SKA2: variants seen among roughly 807,000 people sequenced by gnomAD.
SKA2 encodes spindle and kinetochore associated complex subunit 2.
Under a neutral mutation model 16.9 loss-of-function variants are expected in SKA2, and 13 were observed. That is an observed-to-expected ratio of 0.77 (90% CI 0.50 to 1.22). SKA2 has a LOEUF of 1.22. Among genes scored for constraint, SKA2 ranks in the 50% most tolerant of loss-of-function variants. The pLI, the probability that SKA2 is intolerant of heterozygous loss-of-function variation, is 0.00. For missense variants in SKA2, 107 were observed against 139.7 expected (o/e 0.77, Z 1.18); for synonymous variants, 47 against 48.5 (o/e 0.97, Z 0.13).
chr17:59,154,489 C>G (rs1310613286), intron 1 of SKA2, among the ~76,000 whole-genome samples: 4 of 152,234 alleles, frequency 2.6e-5, no homozygotes, highest in Non-Finnish European at 5.9e-5. Flanking sequence ...TTTCCTGTCT[C>G]AATCCCGCCC....
chr17:59,151,333 C>T, intron 1 of SKA2: 1 of 408,400 alleles, frequency 2.4e-6, no homozygotes, highest in Non-Finnish European at 4.7e-6. Context: ...AACCAAAAAA[C>T]ATTTATATCA....
intron 3 of SKA2, among the ~76,000 whole-genome samples, chr17:59,117,432 T>C (rs1451149321): frequency 6.6e-6 from 1 of 152,176 alleles, no homozygotes; most frequent in Non-Finnish European, 1.5e-5. Context: ...AGTCTCACCC[T>C]GTCACCCAGG....
At chr17:59,144,257 A>G (rs1158547183) in intron 1 of SKA2, among the ~76,000 whole-genome samples, 1 of 152,022 alleles carries the variant, frequency 6.6e-6, no homozygotes, top group Non-Finnish European at 1.5e-5. Context: ...AAAAAAAAAA[A>G]AGACAAGTGT....
At chr17:59,142,354 G>A (rs972428700) in intron 1 of SKA2, among the ~76,000 whole-genome samples, 1 of 147,302 alleles carries the variant, frequency 6.8e-6, no homozygotes, top group Non-Finnish European at 1.5e-5. Context: ...GCAATGATGT[G>A]ATCTCGGCTC....
intron 3 of SKA2, among the ~76,000 whole-genome samples, chr17:59,114,827 A>C (rs2046285815): frequency 6.6e-6 from 1 of 152,136 alleles, no homozygotes; most frequent in East Asian, 1.9e-4. Context: ...AAGTAGTTAC[A>C]ATTCTGCCAA....
At chr17:59,127,831 C>G (rs1311966503) in intron 2 of SKA2, among the ~76,000 whole-genome samples, 2 of 152,126 alleles carry the variant, frequency 1.3e-5, no homozygotes, top group African/African-American at 4.8e-5. Flanking sequence ...AATGAAAACA[C>G]ATGTCCACAC....
chr17:59,126,860 A>G (rs991693299), intron 2 of SKA2, among the ~76,000 whole-genome samples: 1 of 152,230 alleles, frequency 6.6e-6, no homozygotes, highest in Non-Finnish European at 1.5e-5. Context: ...GGTGAAAGCA[A>G]ACCAAATGTC....
rs1419914950 is a variant in SKA2, at chr17:59,144,835, C to T, written c.33+10296G>A. 6.6e-5 allele frequency among the ~76,000 whole-genome samples: 10 copies of T among 152,092 alleles called. No homozygotes were observed. In the East Asian group the frequency reaches 1.7e-3, roughly 26 times the overall value. ...TTTTTTATGTTTTGAGATGGAGTCT[C>T]ACTCTGTCGCCCAGGTTCCCAGGTT... On this transcript the variant is annotated intron_variant, in intron 1 of 3. Transcript: ENST00000330137.
Position 59,147,084 on chromosome 17 carries a change from C to T in SKA2, c.33+8047G>A, listed in dbSNP as rs578110683. Reference sequence around the variant, plus strand: ...GAGGCAGAAGAATCGCTTGAACCTGCGAGACAGAGATTGCAGTGAGCCGAG... The same window carrying T: ...GAGGCAGAAGAATCGCTTGAACCTGTGAGACAGAGATTGCAGTGAGCCGAG... On this transcript the variant is annotated intron_variant, in intron 1 of 3. Coordinates refer to ENST00000330137, the MANE Select transcript of SKA2 (RefSeq NM_182620.4). Among the ~76,000 whole-genome samples the T allele has an allele frequency of 6.6e-5, 10 of 151,692 alleles. No individual in the cohort carries two copies. The East Asian group carries it at 1.2e-3, about 18-fold the overall frequency.
intron 2 of SKA2, among the ~76,000 whole-genome samples, chr17:59,123,547 ACT>A (rs2046351333): frequency 6.7e-6 from 1 of 148,854 alleles, no homozygotes; most frequent in African/African-American, 2.5e-5. Context: ...ACAGAGCAAG[ACT>A]CTGTCTCAGG....
rs202177251 is a variant in SKA2 at position 59,112,337 on chromosome 17, T to G, written c.306A>C (p.Pro102=). Residue 102 remains proline (P), a synonymous_variant, in exon 4 of 4, where the codon CCA becomes CCC. Transcript: ENST00000330137. ...CCGCAGTTTTCTCTTCTTTAGTCAG[T>G]GGTGACAGCTAGAAAATAAATGATA... ...LQKQTDLELS[P]LTKEEKTAAE... is the part of the protein sequence containing the mutation. 1.7e-5 allele frequency: 28 copies of G among 1,607,976 alleles called. No homozygotes were observed. In the African/African-American group the frequency reaches 3.5e-4, roughly 20 times the overall value.
At chr17:59,155,084 G>A (rs2046613382) in intron 1 of SKA2, 47 bp downstream of exon 1, 1 of 1,613,870 alleles carries the variant, frequency 6.2e-7, no homozygotes, top group African/African-American at 1.3e-5. Context: ...CCGAGGCCAT[G>A]GGGGAAAAAT....
intron 2 of SKA2, among the ~76,000 whole-genome samples, 172 bp from the exon 3 acceptor site, chr17:59,119,667 A>G (rs1032995701): frequency 6.6e-5 from 10 of 152,236 alleles, no homozygotes; most frequent in African/African-American, 2.4e-4. Flanking sequence ...AGAGAAAAGT[A>G]TAAGACCTAG....
At chr17:59,154,517 C>A (rs958088635) in intron 1 of SKA2, among the ~76,000 whole-genome samples, 1 of 152,254 alleles carries the variant, frequency 6.6e-6, no homozygotes, top group African/African-American at 2.4e-5. Context: ...GGGAGCGGAG[C>A]TCGTGGTTAC....
At chr17:59,130,179 G>A (rs12051897) in intron 2 of SKA2, among the ~76,000 whole-genome samples, 91,731 of 151,750 alleles carry the variant, frequency 0.6, 28,137 homozygotes, top group African/African-American at 0.66. Context: ...CTGAACATTC[G>A]TGAAATTTTC....
At chr17:59,140,232 CTTT>C (rs564550353) in intron 1 of SKA2, among the ~76,000 whole-genome samples, 1 of 143,340 alleles carries the variant, frequency 7.0e-6, no homozygotes, top group Non-Finnish European at 1.5e-5. Flanking sequence ...AATCTGCAAG[CTTT>C]TTTTTTTTTT....
chr17:59,149,324 A>G (rs1259590725), intron 1 of SKA2, among the ~76,000 whole-genome samples: 2 of 152,150 alleles, frequency 1.3e-5, no homozygotes, highest in African/African-American at 2.4e-5. Flanking sequence ...GCCTGGCAAC[A>G]TAGTGAGACT....
chr17:59,140,566 A>G (rs1260624101), intron 1 of SKA2, among the ~76,000 whole-genome samples: 1 of 151,462 alleles, frequency 6.6e-6, no homozygotes, highest in Admixed American at 6.6e-5. Flanking sequence ...GCTAGGATAT[A>G]TACATAAGCC....
In SKA2 at chr17:59,110,327, T is replaced by C. The variant is rs2046255282; in HGVS notation, c.*1950A>G. On this transcript the variant is annotated 3_prime_UTR_variant, in exon 4 of 4. Coordinates refer to ENST00000330137, the MANE Select transcript of SKA2 (RefSeq NM_182620.4). The stretch of plus-strand genomic sequence containing the variant: ...TCCCTAACTGAAAGCAAAACCACTT[T>C]TAATACTAAGAATTTATTATGATCT... 1 of 152,178 alleles carries C rather than the reference T, an allele frequency of 6.6e-6. No homozygotes were observed. The highest frequency in any genetic ancestry group is 2.1e-4 in the South Asian group (1 of 4,834). The allele number at this position is 152,178 out of a possible 1,614,324, so 9.4% of individuals were successfully genotyped here.
Sources: gnomAD v4.1 joint callset for allele counts (sites outside exome capture counted in the v4.1 genomes callset) on GRCh38, gnomAD v4.1.1 for gene constraint, MANE v1.5 for transcripts, NCBI Gene and HGNC (gene_info 2026-07-23, HGNC 2026-07-21) for gene names.